Variants in DAPK2 observed in about 807,000 individuals in gnomAD.
DAPK2 encodes death associated protein kinase 2.
DAPK2 carries 35 observed loss-of-function variants against 44.1 expected under a neutral mutation model. The observed-to-expected ratio is 0.79, with a 90% CI of 0.61 to 1.05. DAPK2 has a LOEUF of 1.05. Ranked by LOEUF, DAPK2 falls within the 50% of genes least tolerant of loss-of-function variation. The pLI, the probability that DAPK2 is intolerant of heterozygous loss-of-function variation, is 0.00. For synonymous variants in DAPK2, 174 were observed against 182.6 expected, an observed-to-expected ratio of 0.95 and a Z score of 0.38; for missense variants, 453 against 483.2, an observed-to-expected ratio of 0.94 and a Z score of 0.59.
intron 8 of DAPK2, chr15:63,922,450 A>C: frequency 1.7e-6 from 2 of 1,169,046 alleles, no homozygotes; most frequent in Non-Finnish European, 1.1e-6. Context: ...AGGGCCAGCC[A>C]TCCTCCCTCT....
At position 63,923,316 on chromosome 15, in the gene DAPK2, G is replaced by A. The variant is rs1459012754; in HGVS notation, c.858+1500C>T. ...AGCTGGGTGGGCTCTGTCTTCCGCT[G>A]TTCAGGGGCTCTGCCTTCTCCTTTT... is the stretch of plus-strand genomic sequence containing the variant. On this transcript the variant is annotated intron_variant, in intron 8 of 10. Transcript: ENST00000261891. This position sits in a 1 kb window ranked among gnomAD's most constrained non-coding sequence, Gnocchi z 4.2. 6.5e-7 allele frequency: 1 copy of A among 1,535,686 alleles called. No individual in the cohort carries two copies. The highest frequency in any genetic ancestry group is 8.7e-7 in the Non-Finnish European group (1 of 1,146,560).
intron 2 of DAPK2, among the ~76,000 whole-genome samples, chr15:63,981,102 A>G (rs944679623): frequency 1.2e-3 from 186 of 152,096 alleles, no homozygotes; most frequent in African/African-American, 4.0e-3. Flanking sequence ...AAAAAAAAAA[A>G]AAAGAGGTGA....
rs757316056 is a variant in DAPK2 at position 63,923,895 on chromosome 15, T to C, written c.858+921A>G. Among the ~76,000 whole-genome samples, 3 of 152,212 alleles carry C rather than the reference T, an allele frequency of 2.0e-5. No individual in the cohort carries two copies. The highest frequency in any genetic ancestry group is 4.4e-5 in the Non-Finnish European group (3 of 68,028). The stretch of plus-strand genomic sequence containing the variant: ...ATGGGGTCTTGGCATGTTGCTCAAG[T>C]TGGTCTTGAACTCCTGGGCTCAAGT... On this transcript the variant is annotated intron_variant, in intron 8 of 10. Coordinates refer to ENST00000261891, the Ensembl canonical transcript of DAPK2. The surrounding 1 kb of genome is among the most constrained non-coding windows in gnomAD (Gnocchi z 4.2).
At chr15:63,989,408 G>A (rs970493727) in intron 1 of DAPK2, among the ~76,000 whole-genome samples, 2 of 152,034 alleles carry the variant, frequency 1.3e-5, no homozygotes, top group South Asian at 4.2e-4. Context: ...GAGAAAACTG[G>A]GCTTAGAGAA....
At chr15:64,012,047 C>T (rs913159530) in intron 1 of DAPK2, among the ~76,000 whole-genome samples, 6 of 152,186 alleles carry the variant, frequency 3.9e-5, no homozygotes, top group African/African-American at 1.4e-4. Context: ...AAGTGCAGAC[C>T]AGCCACTCTG....
chr15:63,978,718 AC>A (rs1217181100), intron 2 of DAPK2, among the ~76,000 whole-genome samples: 3 of 151,974 alleles, frequency 2.0e-5, no homozygotes, highest in East Asian at 1.9e-4. Context: ...CCCTGGAGCC[AC>A]CCCCCATCTC....
intron 1 of DAPK2, among the ~76,000 whole-genome samples, chr15:64,037,551 G>A (rs1349721620): frequency 1.3e-5 from 2 of 152,206 alleles, no homozygotes; most frequent in Non-Finnish European, 1.5e-5. Context: ...CCAGAGGACA[G>A]GACTGTGTCT....
chr15:64,007,537 G>A (rs1325546668), intron 1 of DAPK2, among the ~76,000 whole-genome samples: 1 of 152,146 alleles, frequency 6.6e-6, no homozygotes, highest in Non-Finnish European at 1.5e-5. Context: ...GGCAGGCACA[G>A]GTCCCCTCCT....
At position 63,911,896 on chromosome 15, in the gene DAPK2, G is replaced by T. The variant is rs781298266; in HGVS notation, c.1032+12C>A. The T allele has an allele frequency of 1.2e-6, 2 of 1,612,198 alleles. No homozygotes were observed. The highest frequency in any genetic ancestry group is 1.7e-6 in the Non-Finnish European group (2 of 1,179,324). On this transcript the variant is annotated intron_variant, in intron 10 of 10. Coordinates refer to ENST00000261891, the Ensembl canonical transcript of DAPK2. Reference sequence around the variant, plus strand: ...AGAATTCTGCCCAAGAAGAGGGCATGCATTTACCCACCAGGTCCTCATCCG... The same window carrying T: ...AGAATTCTGCCCAAGAAGAGGGCATTCATTTACCCACCAGGTCCTCATCCG...
chr15:63,950,982 G>A lies in DAPK2; in HGVS notation c.454-11621C>T, dbSNP rs182537236. 2.2e-4 allele frequency among the ~76,000 whole-genome samples: 33 copies of A among 152,308 alleles called. 1 individual carries two copies. Among genetic ancestry groups the A allele is most frequent in the South Asian group, 1.0e-3 (5 of 4,826 alleles). ...AGCTCGCAGAATGACTCAGGGCATA[G>A]AGGAATTTGGATTTTTTGGAATATC... is the stretch of plus-strand genomic sequence containing the variant. On this transcript the variant is annotated intron_variant, in intron 3 of 10. Transcript: ENST00000261891.
chr15:63,929,341 T>G (rs2079439349), intron 6 of DAPK2, among the ~76,000 whole-genome samples: 1 of 152,176 alleles, frequency 6.6e-6, no homozygotes, highest in South Asian at 2.1e-4. Flanking sequence ...CTGAGGCTGC[T>G]CCCCTGGATG....
At chr15:63,926,628 A>G (rs1015454699) in intron 6 of DAPK2, among the ~76,000 whole-genome samples, 3 of 152,166 alleles carry the variant, frequency 2.0e-5, no homozygotes, top group South Asian at 2.1e-4. Context: ...TGGTTCCCCA[A>G]CAGGGTTTGT....
rs140683653 is a variant in DAPK2, at chr15:64,038,580, C to G, written c.92+1590G>C. Among the ~76,000 whole-genome samples the G allele has an allele frequency of 2.6e-5, 4 of 152,328 alleles. 1 individual carries two copies. The highest frequency in any genetic ancestry group is 9.6e-5 in the African/African-American group (4 of 41,572). On this transcript the variant is annotated intron_variant, in intron 1 of 10. Transcript: ENST00000261891. ...AGTTATTTGCTCCCCCACCCACCAT[C>G]CAGTCAGCCAGGACTAACTCCCTGA...
chr15:64,018,601 C>T (rs957116107), intron 1 of DAPK2, among the ~76,000 whole-genome samples: 1 of 152,188 alleles, frequency 6.6e-6, no homozygotes, highest in African/African-American at 2.4e-5. Flanking sequence ...CTGGGTCCCA[C>T]AACCCAGGCC....
chr15:63,991,109 G>A (rs1042288865), intron 1 of DAPK2: 1 of 394,310 alleles, frequency 2.5e-6, no homozygotes, highest in African/African-American at 2.1e-5. Flanking sequence ...GAGCAAGCAA[G>A]GGACCAGATA....
intron 4 of DAPK2, among the ~76,000 whole-genome samples, chr15:63,933,392 C>T (rs558083516): frequency 9.6e-4 from 145 of 151,612 alleles, no homozygotes; most frequent in African/African-American, 2.5e-3. Context: ...TACAGGTGCA[C>T]GCCACCACAA....
intron 8 of DAPK2, chr15:63,922,520 G>T: frequency 7.4e-7 from 1 of 1,354,658 alleles, no homozygotes. Flanking sequence ...TGGCTGCCCT[G>T]CCAGAGCCCT....
chr15:63,941,613 CCT>C (rs1204924325), intron 3 of DAPK2, among the ~76,000 whole-genome samples: 4 of 152,056 alleles, frequency 2.6e-5, no homozygotes, highest in Non-Finnish European at 4.4e-5. Context: ...CTGAGGCCTT[CCT>C]TGGCTTTTTT....
Position 63,923,691 on chromosome 15 carries a change from A to G in DAPK2, c.858+1125T>C, listed in dbSNP as rs2079155119. 6.6e-6 allele frequency among the ~76,000 whole-genome samples: 1 copy of G among 152,254 alleles called. No individual in the cohort carries two copies. Among genetic ancestry groups the G allele is most frequent in the African/African-American group, 2.4e-5 (1 of 41,464 alleles). On this transcript the variant is annotated intron_variant, in intron 8 of 10. Coordinates refer to ENST00000261891, the Ensembl canonical transcript of DAPK2. The surrounding 1 kb of genome is among the most constrained non-coding windows in gnomAD (Gnocchi z 4.2). Reference sequence around the variant, plus strand: ...CACGCAAGGCCAGGGCTCACGCAGCAGGGCTGAGGAGCATCTCTCCTTCAG... The same window carrying G: ...CACGCAAGGCCAGGGCTCACGCAGCGGGGCTGAGGAGCATCTCTCCTTCAG...
Sources: allele counts gnomAD v4.1 joint callset (sites outside exome capture counted in the v4.1 genomes callset), GRCh38; gene constraint gnomAD v4.1.1; non-coding constraint Gnocchi (gnomAD v3.1); transcripts MANE v1.5; gene names NCBI Gene and HGNC (gene_info 2026-07-23, HGNC 2026-07-21).